CYP2A7: variants seen among roughly 807,000 people sequenced by gnomAD.
CYP2A7 encodes cytochrome P450 2A7.
In CYP2A7, 36 loss-of-function variants were observed where a neutral mutation model predicts 42.0. The ratio of observed to expected loss-of-function variants is 0.86; its 90% CI spans 0.66 to 1.13. The LOEUF is 1.13. Ranked by LOEUF, CYP2A7 falls within the 50% of genes most tolerant of loss-of-function variation. CYP2A7 has a pLI of 0.00. For synonymous variants in CYP2A7, 260 were observed against 249.5 expected (o/e 1.04, Z -0.40); for missense variants, 661 against 634.1 (o/e 1.04, Z -0.46).
Position 40,876,537 on chromosome 19 carries a change from G to C in CYP2A7, c.1293C>G (p.Pro431=), listed in dbSNP as rs778068333. 6.2e-6 allele frequency: 10 copies of C among 1,612,956 alleles called. No individual in the cohort carries two copies. In the South Asian group the frequency reaches 6.6e-5, roughly 11 times the overall value. The change falls in exon 8 of 9, where the codon CCC becomes CCG. Residue 431 remains proline, a synonymous_variant. Coordinates refer to ENST00000301146, the MANE Select transcript of CYP2A7 (RefSeq NM_000764.3). ...GQFKKSDAFV[P]FSIGKRNCFG... is the part of the protein sequence containing the mutation. ...ACAGTGGTCTCTTACCGATGGAAAA[G>C]GGCACAAAAGCATCACTCTTCTTAA...
chr19:40,880,088 C>A lies in CYP2A7; in HGVS notation c.650G>T (p.Gly217Val), dbSNP rs1305372528. The change falls in exon 4 of 9, where the codon GGG becomes GTG. Residue 217 changes from glycine (G) to valine (V), a missense_variant. Transcript: ENST00000301146. The stretch of plus-strand genomic sequence containing the variant: ...GGCCGGGCTGCAGCCAGTTACCTGC[C>A]CCGTGGAGGTTGACGTGAACTGGAA... ...GIFQFTSTST[G>V]QLYEMFSSVM... The A allele has an allele frequency of 1.2e-6, 2 of 1,612,628 alleles. No individual in the cohort carries two copies. The highest frequency in any genetic ancestry group is 2.2e-5 in the East Asian group (1 of 44,860).
At chr19:40,877,583 G>A (rs766029223) in intron 6 of CYP2A7, among the ~76,000 whole-genome samples, 7 of 151,576 alleles carry the variant, frequency 4.6e-5, no homozygotes, top group Non-Finnish European at 3.0e-5. Context: ...GGAGGCACAG[G>A]GAGGAACTTA....
At position 40,882,080 on chromosome 19, in the gene CYP2A7, C is replaced by G; in HGVS notation, c.131G>C (p.Gly44Ala). The G allele has an allele frequency of 6.2e-7, 1 of 1,613,976 alleles. No homozygotes were observed. The highest frequency in any genetic ancestry group is 1.1e-5 in the South Asian group (1 of 91,070). The change falls in exon 1 of 9, where the codon GGA becomes GCA. Residue 44 changes from glycine to alanine, a missense_variant. Around this residue, in one of 3 missense-constraint regions of CYP2A7, gnomAD observed 614 missense variants for 552.4 expected, o/e 1.11. Coordinates refer to ENST00000301146, the MANE Select transcript of CYP2A7 (RefSeq NM_000764.3). ...PPGPTPLPFIGNYLQLNTEHI... is the reference protein window; with the variant it reads ...PPGPTPLPFIANYLQLNTEHI... ...CTCTGTGTTCAGCTGGAGGTAGTTT[C>G]CAATGAAGGGCAGTGGGGTGGGTCC...
At position 40,881,702 on chromosome 19, in the gene CYP2A7, C is replaced by A. The variant is rs200248426; in HGVS notation, c.230G>T (p.Arg77Leu). ...PVFTIHLGPR[R>L]VVVLCGHDAV... ...ATCATGTCCACACAGCACCACGACC[C>A]GCCGGGGCCCCAAGTGAATGGTGAA... The change falls in exon 2 of 9, where the codon CGG becomes CTG. Residue 77 changes from arginine (R) to leucine (L), a missense_variant. By Grantham distance (102) the Arg-to-Leu change is moderately radical. Coordinates refer to ENST00000301146, the MANE Select transcript of CYP2A7 (RefSeq NM_000764.3). 6.2e-7 allele frequency: 1 copy of A among 1,612,400 alleles called. No individual in the cohort carries two copies. The highest frequency in any genetic ancestry group is 1.1e-5 in the South Asian group (1 of 90,964).
rs28575771 is a variant in CYP2A7, at chr19:40,877,149, G to A, written c.1161+41C>T. 7.2e-3 allele frequency: 11,594 copies of A among 1,600,130 alleles called. 722 individuals are homozygous for A. The African/African-American group carries it at 0.13, about 18-fold the overall frequency. ...CAGGATTCTGGGGACACAGAGAAGG[G>A]CTGGAAGTCCCCGTAGTCTAGGGGG... On this transcript the variant is annotated intron_variant, in intron 7 of 8. Transcript: ENST00000301146.
rs147847954 is a variant in CYP2A7 at position 40,877,229 on chromosome 19, A to G, written c.1122T>C (p.Val374=). The G allele has an allele frequency of 0.034, 55,303 of 1,611,802 alleles. 2,319 individuals carry two copies. The highest frequency in any genetic ancestry group is 0.04 in the Non-Finnish European group (47,627 of 1,178,398). ...AATCCCGAAACTTGGTGTCCTTTTTAACCCTGCGGGCCAAACTCATGGGGA... is the reference window on the plus strand; with the variant it reads ...AATCCCGAAACTTGGTGTCCTTTTTGACCCTGCGGGCCAAACTCATGGGGA... ...DVIPMSLARR[V]KKDTKFRDFF... Residue 374 remains valine, a synonymous_variant, in exon 7 of 9, where the codon GTT becomes GTC. Coordinates refer to ENST00000301146, the MANE Select transcript of CYP2A7 (RefSeq NM_000764.3).
At chr19:40,879,033 G>GT (rs1967600112) in intron 4 of CYP2A7, 97 bp from the exon 5 acceptor site, 1 of 1,480,022 alleles carries the variant, frequency 6.8e-7, no homozygotes, top group African/African-American at 1.4e-5. Context: ...AAGGAACTGA[G>GT]TTAAAGGCAT....
intron 6 of CYP2A7, among the ~76,000 whole-genome samples, chr19:40,877,635 T>G (rs1967567611): frequency 1.3e-5 from 2 of 151,436 alleles, no homozygotes; most frequent in South Asian, 2.1e-4. Flanking sequence ...CTCAGTGGGC[T>G]TGGGACAGAA....
Position 40,881,674 on chromosome 19 carries a change from G to A in CYP2A7, c.258C>T (p.Ala86=), listed in dbSNP as rs202195291. ...RRVVVLCGHD[A]VREALVDQAE... Reference sequence around the variant, plus strand: ...CCTGGTCCACCAGAGCCTCCCTGACGGCATCATGTCCACACAGCACCACGA... The same window carrying A: ...CCTGGTCCACCAGAGCCTCCCTGACAGCATCATGTCCACACAGCACCACGA... The change falls in exon 2 of 9, where the codon GCC becomes GCT. Residue 86 remains alanine, a synonymous_variant. Transcript: ENST00000301146. The A allele has an allele frequency of 2.9e-5, 46 of 1,613,206 alleles. No individual in the cohort carries two copies. In the African/African-American group the frequency reaches 3.6e-4, roughly 13 times the overall value.
At chr19:40,880,717 C>A in intron 2 of CYP2A7, 89 bp from the exon 3 acceptor site, 1 of 629,600 alleles carries the variant, frequency 1.6e-6, no homozygotes, top group East Asian at 3.7e-5. Flanking sequence ...AAGGGTGGAG[C>A]AGAGGGGTAG....
intron 1 of CYP2A7, 22 bp from the exon 2 acceptor site, chr19:40,881,773 G>A (rs1371443465): frequency 2.5e-6 from 4 of 1,598,542 alleles, no homozygotes; most frequent in Non-Finnish European, 3.4e-6. Flanking sequence ...GAGTGGGAGT[G>A]GTTAGAGGGA....
Position 40,880,170 on chromosome 19 carries a change from G to A in CYP2A7, c.568C>T (p.Arg190Cys), listed in dbSNP as rs752462000. Residue 190 changes from arginine (R) to cysteine (C), a missense_variant, in exon 4 of 9, where the codon CGC (arginine) becomes TGC (cysteine). Physicochemically the swap from Arg to Cys is radical, Grantham distance 180 (BLOSUM62 -3). Transcript: ENST00000301146. ...NVISSIVFGD[R>C]FDYEDKEFLS... is the part of the protein sequence containing the mutation. Reference sequence around the variant, plus strand: ...AACTCTTTGTCCTCATAGTCAAAGCGGTCCCCAAAGACAATGGAGCTGATG... The same window carrying A: ...AACTCTTTGTCCTCATAGTCAAAGCAGTCCCCAAAGACAATGGAGCTGATG... 2.5e-6 allele frequency: 4 copies of A among 1,613,010 alleles called. No homozygotes were observed. Among genetic ancestry groups the A allele is most frequent in the South Asian group, 1.1e-5 (1 of 91,030 alleles).
chr19:40,881,032 T>A lies in CYP2A7; in HGVS notation c.344-404A>T, dbSNP rs553089450. Among the ~76,000 whole-genome samples, 14 of 147,330 alleles carry A rather than the reference T, an allele frequency of 9.5e-5. No individual in the cohort carries two copies. The South Asian group carries it at 2.8e-3, about 30-fold the overall frequency. On this transcript the variant is annotated intron_variant, in intron 2 of 8. Transcript: ENST00000301146. ...GGAGGGGAAGTGAGATATGGGGAGA[T>A]CTGGGAGGAGGAAATAAAAATGGTG...
chr19:40,880,761 C>G (rs1967648314), intron 2 of CYP2A7, 133 bp from the exon 3 acceptor site: 2 of 455,216 alleles, frequency 4.4e-6, no homozygotes, highest in Admixed American at 6.5e-5. Flanking sequence ...AGTGCCAGTG[C>G]CCAGGACAGG....
chr19:40,878,625 G>C (rs1393311794), intron 5 of CYP2A7, 135 bp downstream of exon 5: 16 of 1,289,116 alleles, frequency 1.2e-5, no homozygotes, highest in Admixed American at 2.6e-5. Flanking sequence ...TGTTAGCCAC[G>C]GCGCCCAGCC....
rs1167976182 is a variant in CYP2A7, at chr19:40,879,076, G to A, written c.655-140C>T. ...ATTGTTTAGGTATTTCAGTGGGGTC[G>A]GATAGGAACTTATATCTAAGTTTTC... On this transcript the variant is annotated intron_variant, in intron 4 of 8. Transcript: ENST00000301146. 28 of 1,315,812 alleles carry A rather than the reference G, an allele frequency of 2.1e-5. No homozygotes were observed. The East Asian group carries it at 2.4e-4, about 12-fold the overall frequency. 81.5% of individuals were successfully genotyped at this position (1,315,812 alleles called of 1,614,324 possible). A position where few individuals can be genotyped will look rare whatever the true frequency, so the allele number is the denominator to read the frequency against.
intron 4 of CYP2A7, among the ~76,000 whole-genome samples, chr19:40,879,840 G>C (rs971912544): frequency 1.3e-5 from 2 of 150,600 alleles, no homozygotes; most frequent in African/African-American, 4.8e-5. Context: ...GTGCCCAGGT[G>C]AGAGAGCTGA....
chr19:40,876,379 G>A, intron 8 of CYP2A7, 148 bp downstream of exon 8: 1 of 1,320,004 alleles, frequency 7.6e-7, no homozygotes, highest in Non-Finnish European at 1.1e-6. Context: ...TGGTAGTTAA[G>A]GAAGTATCAG....
In CYP2A7 at chr19:40,875,480, T is replaced by G; in HGVS notation, c.*213A>C. The G allele has an allele frequency of 1.5e-6, 1 of 647,206 alleles. No individual in the cohort carries two copies. Among genetic ancestry groups the G allele is most frequent in the East Asian group, 2.8e-5 (1 of 35,472 alleles). 40.1% of individuals were successfully genotyped at this position (647,206 alleles called of 1,614,324 possible). Reference sequence around the variant, plus strand: ...GCTATTATTACTACTCTTCATAGCATAATGTAAGGTTTCCCTTCCTCTCAT... The same window carrying G: ...GCTATTATTACTACTCTTCATAGCAGAATGTAAGGTTTCCCTTCCTCTCAT... On this transcript the variant is annotated 3_prime_UTR_variant, in exon 9 of 9. Transcript: ENST00000301146.
Sources: allele counts gnomAD v4.1 joint callset (sites outside exome capture counted in the v4.1 genomes callset), GRCh38; gene constraint gnomAD v4.1.1; regional missense constraint gnomAD v4.1.1; transcripts MANE v1.5; gene names NCBI Gene and HGNC (gene_info 2026-07-23, HGNC 2026-07-21).